Variants in CCDC150 observed in about 807,000 individuals in gnomAD.
CCDC150 encodes the protein coiled-coil domain containing 150.
In CCDC150, 151 loss-of-function variants were observed where a neutral mutation model predicts 156.5. The observed-to-expected ratio is 0.97, with a 90% CI of 0.85 to 1.10. CCDC150 has a LOEUF of 1.10. CCDC150 is among the 50% of genes least tolerant of loss of function. The pLI, the probability that CCDC150 is intolerant of heterozygous loss-of-function variation, is 0.00. For missense variants in CCDC150, 1,312 were observed against 1,268.1 expected (o/e 1.03, Z -0.53); for synonymous variants, 452 against 429.4 (o/e 1.05, Z -0.65).
At chr2:196,722,055 A>G (rs1434716552) in intron 21 of CCDC150, among the ~76,000 whole-genome samples, 2 of 152,206 alleles carry the variant, frequency 1.3e-5, no homozygotes, top group Admixed American at 6.5e-5. Flanking sequence ...GACAAGAAAA[A>G]ACATCAGCCT....
At chr2:196,668,761 A>T (rs1390069264) in intron 7 of CCDC150, among the ~76,000 whole-genome samples, 14 of 152,228 alleles carry the variant, frequency 9.2e-5, no homozygotes. Context: ...TGTTCTTCAA[A>T]GTAAGATAAA....
In CCDC150 at chr2:196,695,538, A is replaced by C. The variant is rs569477143; in HGVS notation, c.1623+379A>C. Among the ~76,000 whole-genome samples the C allele has an allele frequency of 7.9e-5, 12 of 152,248 alleles. No homozygotes were observed. In the South Asian group the frequency reaches 2.3e-3, roughly 29 times the overall value. On this transcript the variant is annotated intron_variant, in intron 14 of 27. Transcript: ENST00000389175. ...GGTCAGTGCATTACAAATAAGTGGT[A>C]CAGTTCTTAAAATACCTTCTCCAGG...
intron 17 of CCDC150, chr2:196,713,827 G>A: frequency 1.1e-6 from 1 of 932,686 alleles, no homozygotes. Context: ...AATATAGATT[G>A]AAACCATTAT....
chr2:196,651,420 C>T (rs1229476771), intron 2 of CCDC150, among the ~76,000 whole-genome samples: 3 of 152,130 alleles, frequency 2.0e-5, no homozygotes, highest in Admixed American at 6.5e-5. Context: ...GTATCCTTTA[C>T]CTTCAGCTTG....
At chr2:196,715,852 A>G (rs1459177793) in intron 17 of CCDC150, among the ~76,000 whole-genome samples, 1 of 152,198 alleles carries the variant, frequency 6.6e-6, no homozygotes, top group Non-Finnish European at 1.5e-5. Context: ...AGGGACAAAA[A>G]TGATAAATTG....
At chr2:196,679,802 A>G (rs529973557) in intron 13 of CCDC150, among the ~76,000 whole-genome samples, 100 of 152,290 alleles carry the variant, frequency 6.6e-4, no homozygotes, top group African/African-American at 2.1e-3. Flanking sequence ...AGTTTTATCT[A>G]TTAGAATTTG....
chr2:196,665,072 A>G (rs1025409105), intron 5 of CCDC150, among the ~76,000 whole-genome samples: 1 of 152,200 alleles, frequency 6.6e-6, no homozygotes, highest in Non-Finnish European at 1.5e-5. Flanking sequence ...GGAAAATAAG[A>G]GTTGAAAATA....
chr2:196,639,760 C>G lies in CCDC150; in HGVS notation c.-7C>G, dbSNP rs760918504. 8.3e-6 allele frequency: 13 copies of G among 1,573,326 alleles called. No homozygotes were observed. The African/African-American group carries it at 1.2e-4, about 15-fold the overall frequency. On this transcript the variant is annotated 5_prime_UTR_variant, in exon 1 of 28. Coordinates refer to ENST00000389175, the MANE Select transcript of CCDC150 (RefSeq NM_001080539.2). ...GCCTGCTGCAGTACGGAGCCTCAGG[C>G]GGACAGATGGACTGTAAGGTGAGGC...
At chr2:196,728,428 TAG>T (rs1398289390) in intron 22 of CCDC150, among the ~76,000 whole-genome samples, 1 of 152,198 alleles carries the variant, frequency 6.6e-6, no homozygotes, top group Non-Finnish European at 1.5e-5. Context: ...CTACCATCCA[TAG>T]AGAATACCAC....
rs1694534198 is a variant in CCDC150, at chr2:196,676,834, C to T, written c.1440+103C>T. On this transcript the variant is annotated intron_variant, in intron 12 of 27. Coordinates refer to ENST00000389175, the MANE Select transcript of CCDC150 (RefSeq NM_001080539.2). ...CAAGAAAAGAAATAAAACCCAGATG[C>T]AGTTTGTCTGAGTTGCCCAGTAAAG... 4.6e-6 allele frequency: 5 copies of T among 1,089,374 alleles called. No homozygotes were observed. The Admixed American group carries it at 1.1e-4, about 24-fold the overall frequency. The allele number at this position is 1,089,374 out of a possible 1,614,324, so 67.5% of individuals were successfully genotyped here.
At chr2:196,691,709 G>A (rs1362907844) in intron 13 of CCDC150, among the ~76,000 whole-genome samples, 1 of 152,036 alleles carries the variant, frequency 6.6e-6, no homozygotes, top group Non-Finnish European at 1.5e-5. Context: ...TTGGGAGGCC[G>A]AGGCAGGTGG....
chr2:196,732,738 C>T lies in CCDC150; in HGVS notation c.*176C>T, dbSNP rs1297208553. ...CTCTTATATCAGTACAAAACTACCC[C>T]TTTTTTTGTCCCTTTTCACATTTTC... On this transcript the variant is annotated 3_prime_UTR_variant, in exon 28 of 28. Coordinates refer to ENST00000389175, the MANE Select transcript of CCDC150 (RefSeq NM_001080539.2). The T allele has an allele frequency of 7.1e-6, 3 of 420,194 alleles. No homozygotes were observed. In the Admixed American group the frequency reaches 1.2e-4, roughly 17 times the overall value. 26.0% of individuals were successfully genotyped at this position (420,194 alleles called of 1,614,324 possible). A position where few individuals can be genotyped will look rare whatever the true frequency, so the allele number is the denominator to read the frequency against.
chr2:196,710,176 G>C (rs1697000053), intron 15 of CCDC150, among the ~76,000 whole-genome samples: 1 of 152,236 alleles, frequency 6.6e-6, no homozygotes, highest in South Asian at 2.1e-4. Context: ...CCCAGTTCGA[G>C]CTTCCCTGAC....
At chr2:196,703,023 C>T (rs150005679) in intron 15 of CCDC150, among the ~76,000 whole-genome samples, 34 of 152,294 alleles carry the variant, frequency 2.2e-4, no homozygotes, top group African/African-American at 7.5e-4. Context: ...TGCATTAACC[C>T]TTCATGAGAG....
At chr2:196,661,319 C>T (rs1323166160) in intron 5 of CCDC150, among the ~76,000 whole-genome samples, 1 of 152,098 alleles carries the variant, frequency 6.6e-6, no homozygotes, top group Non-Finnish European at 1.5e-5. Context: ...GCTTGAAGTC[C>T]AAGATCAAGT....
intron 17 of CCDC150, chr2:196,713,238 A>G (rs1014087123): frequency 7.7e-7 from 1 of 1,293,208 alleles, no homozygotes; most frequent in Admixed American, 3.5e-5. Flanking sequence ...CACATTTTCA[A>G]TATATTTTCC....
intron 13 of CCDC150, among the ~76,000 whole-genome samples, chr2:196,677,797 C>G (rs1245986108): frequency 6.6e-6 from 1 of 152,108 alleles, no homozygotes; most frequent in Non-Finnish European, 1.5e-5. Flanking sequence ...TCGAGACCAG[C>G]TCGACCTACA....
chr2:196,684,287 C>T (rs1305102632), intron 13 of CCDC150, among the ~76,000 whole-genome samples: 1 of 151,920 alleles, frequency 6.6e-6, no homozygotes, highest in Non-Finnish European at 1.5e-5. Context: ...CTTTAATTTC[C>T]CTTGAGATTT....
intron 17 of CCDC150, among the ~76,000 whole-genome samples, chr2:196,716,663 G>A (rs1299944711): frequency 1.3e-5 from 2 of 152,042 alleles, no homozygotes; most frequent in African/African-American, 4.8e-5. Flanking sequence ...TTTTGGAGAT[G>A]ATGGAAATGT....
Sources: allele counts gnomAD v4.1 joint callset (sites outside exome capture counted in the v4.1 genomes callset), GRCh38; gene constraint gnomAD v4.1.1; transcripts MANE v1.5; gene names NCBI Gene and HGNC (gene_info 2026-07-23, HGNC 2026-07-21).